The following OSBPL5 variants were observed in gnomAD, a reference collection of about 807,000 sequenced individuals.
The protein encoded by OSBPL5 is oxysterol-binding protein-related protein 5.
OSBPL5 carries 71 observed loss-of-function variants against 111.2 expected under a neutral mutation model. The ratio of observed to expected loss-of-function variants is 0.64; its 90% CI spans 0.53 to 0.78. The LOEUF is 0.78. OSBPL5 is among the 30% of genes least tolerant of loss of function. The pLI, the probability that OSBPL5 is intolerant of heterozygous loss-of-function variation, is 0.00. For synonymous variants in OSBPL5, 549 were observed against 513.9 expected (o/e 1.07, Z -0.93); for missense variants, 1,210 against 1,189.3 (o/e 1.02, Z -0.26).
Position 3,130,420 on chromosome 11 carries a change from GAC to G in OSBPL5, c.-21-1253_-21-1252del, listed in dbSNP as rs1858786045. On this transcript the variant is annotated intron_variant, in intron 1 of 21. Coordinates refer to ENST00000263650, the MANE Select transcript of OSBPL5 (RefSeq NM_020896.4). The surrounding 1 kb of genome is among the most constrained non-coding windows in gnomAD (Gnocchi z 4.5). The stretch of plus-strand genomic sequence containing the variant: ...CTGGGCTTTGCTGGGGGGGGCCTCA[GAC>G]ACACAGAGACTTTCCTGCTGTGGCT... 2.6e-5 allele frequency among the ~76,000 whole-genome samples: 4 copies of G among 152,240 alleles called. No homozygotes were observed. In the South Asian group the frequency reaches 8.3e-4, roughly 31 times the overall value.
At chr11:3,153,988 T>C (rs1716902159) in intron 1 of OSBPL5, among the ~76,000 whole-genome samples, 2 of 152,184 alleles carry the variant, frequency 1.3e-5, no homozygotes. Flanking sequence ...AACAGCGCCG[T>C]CAGCCCCGCA....
chr11:3,120,728 C>T lies in OSBPL5; in HGVS notation c.403-104G>A, dbSNP rs1237228774. The T allele has an allele frequency of 1.1e-5, 14 of 1,290,332 alleles. 1 individual carries two copies. Among genetic ancestry groups the T allele is most frequent in the South Asian group, 6.7e-5 (5 of 75,006 alleles). The allele number at this position is 1,290,332 out of a possible 1,614,324, so 79.9% of individuals were successfully genotyped here. A position where few individuals can be genotyped will look rare whatever the true frequency, so the allele number is the denominator to read the frequency against. On this transcript the variant is annotated intron_variant, in intron 5 of 21. Transcript: ENST00000263650. ...CCAGGCACAGACCAGGGTGGGCTGC[C>T]GAGGGGCCCTTCCCCTCCCTCACTC... is the stretch of plus-strand genomic sequence containing the variant.
chr11:3,114,123 A>G (rs1858114950), intron 7 of OSBPL5, among the ~76,000 whole-genome samples: 1 of 152,242 alleles, frequency 6.6e-6, no homozygotes, highest in African/African-American at 2.4e-5. Flanking sequence ...ATAAAAATAT[A>G]TTTGTAGGAA....
chr11:3,099,807 G>A (rs1857391543), intron 14 of OSBPL5, among the ~76,000 whole-genome samples: 1 of 152,160 alleles, frequency 6.6e-6, no homozygotes, highest in Non-Finnish European at 1.5e-5. Flanking sequence ...GGTGGCTCAT[G>A]CCTGTAATCC....
At chr11:3,096,977 G>T (rs1857280964) in intron 14 of OSBPL5, among the ~76,000 whole-genome samples, 2 of 146,408 alleles carry the variant, frequency 1.4e-5, no homozygotes, top group South Asian at 4.6e-4. Flanking sequence ...GGAAAGAGGG[G>T]GAAGGTGGGA....
intron 7 of OSBPL5, among the ~76,000 whole-genome samples, chr11:3,115,749 T>C (rs1309584773): frequency 6.6e-6 from 1 of 152,216 alleles, no homozygotes; most frequent in African/African-American, 2.4e-5. Flanking sequence ...AGTTATATCT[T>C]ATGATCAAGA....
At position 3,154,543 on chromosome 11, in the gene OSBPL5, A is replaced by G. The variant is rs1042263649; in HGVS notation, c.-22+10673T>C. Reference sequence around the variant, plus strand: ...ATTCAAGCAGGTGAAATCTGAGAACACTGCACACACTCATGGGTGCGGAAG... The same window carrying G: ...ATTCAAGCAGGTGAAATCTGAGAACGCTGCACACACTCATGGGTGCGGAAG... On this transcript the variant is annotated intron_variant, in intron 1 of 21. Coordinates refer to ENST00000263650, the MANE Select transcript of OSBPL5 (RefSeq NM_020896.4). The surrounding 1 kb of genome is among the most constrained non-coding windows in gnomAD (Gnocchi z 4.9). 1.3e-5 allele frequency among the ~76,000 whole-genome samples: 2 copies of G among 152,218 alleles called. No homozygotes were observed. Among genetic ancestry groups the G allele is most frequent in the African/African-American group, 4.8e-5 (2 of 41,460 alleles).
At position 3,154,664 on chromosome 11, in the gene OSBPL5, G is replaced by A. The variant is rs1384462137; in HGVS notation, c.-22+10552C>T. ...TGACGAGACGCCTGGCAGTGCGGGG[G>A]CCCCAGGGTTAGTCTGACTGCTCCA... On this transcript the variant is annotated intron_variant, in intron 1 of 21. Transcript: ENST00000263650. This position sits in a 1 kb window ranked among gnomAD's most constrained non-coding sequence, Gnocchi z 4.9. Among the ~76,000 whole-genome samples the A allele has an allele frequency of 6.6e-6, 1 of 152,176 alleles. No homozygotes were observed. Among genetic ancestry groups the A allele is most frequent in the Non-Finnish European group, 1.5e-5 (1 of 68,030 alleles).
In OSBPL5 at chr11:3,088,288, C is replaced by T. The variant is rs1378394135; in HGVS notation, c.2557G>A (p.Gly853Ser). 1.2e-6 allele frequency: 2 copies of T among 1,607,576 alleles called. No individual in the cohort carries two copies. The highest frequency in any genetic ancestry group is 2.7e-5 in the African/African-American group (2 of 74,776). ...CAGGATCGGGGGCTCTGCAGGAGGC[C>T]TGGGGTCGGTGCCTGTGCTGCCCGT... ...TARAAQAPTP[G>S]LLQSPRSWFL... The change falls in exon 22 of 22, where the codon GGC becomes AGC. Residue 853 changes from glycine to serine, a missense_variant. By Grantham distance (56) the Gly-to-Ser change is moderately conservative. Transcript: ENST00000263650.
chr11:3,125,544 G>T (rs931683708), intron 3 of OSBPL5, among the ~76,000 whole-genome samples: 1 of 152,166 alleles, frequency 6.6e-6, no homozygotes, highest in Non-Finnish European at 1.5e-5. Flanking sequence ...AACAAATCAC[G>T]CCTGTAATCC....
intron 7 of OSBPL5, among the ~76,000 whole-genome samples, chr11:3,115,341 A>G (rs1314276020): frequency 6.6e-6 from 1 of 152,172 alleles, no homozygotes; most frequent in Non-Finnish European, 1.5e-5. Flanking sequence ...ATCTTCTTGT[A>G]TGTGCTTTTA....
intron 3 of OSBPL5, among the ~76,000 whole-genome samples, chr11:3,125,417 T>C (rs1858576501): frequency 6.6e-6 from 1 of 152,122 alleles, no homozygotes; most frequent in Non-Finnish European, 1.5e-5. Context: ...GACATACAAA[T>C]GGCTAATGGG....
intron 20 of OSBPL5, 55 bp downstream of exon 20, chr11:3,090,503 C>T: frequency 1.3e-6 from 2 of 1,585,506 alleles, no homozygotes; most frequent in Non-Finnish European, 1.7e-6. Context: ...GCCAGGTCAG[C>T]ATCTGAGGCA....
At chr11:3,156,096 G>T (rs1846750522) in intron 1 of OSBPL5, among the ~76,000 whole-genome samples, 1 of 152,202 alleles carries the variant, frequency 6.6e-6, no homozygotes, top group Non-Finnish European at 1.5e-5. Flanking sequence ...TTCCCTCTGG[G>T]ACAAGGGGGA....
In OSBPL5 at chr11:3,094,238, T is replaced by C. The variant is rs1204922124; in HGVS notation, c.1718A>G (p.Lys573Arg). 3 of 1,613,088 alleles carry C rather than the reference T, an allele frequency of 1.9e-6. No homozygotes were observed. Among genetic ancestry groups the C allele is most frequent in the Admixed American group, 3.3e-5 (2 of 59,982 alleles). ...CCCCCAGGCTGCAGCCAGCGCTACC[T>C]TGAGTTTGAATTCCAGCTGGGCCTG... ...NFQAQLEFKL[K>R]PFFGGSTSIN... is the part of the protein sequence containing the mutation. The change falls in exon 15 of 22, where the codon AAG becomes AGG. Residue 573 changes from lysine to arginine, a missense_variant and splice_region_variant. Lys to Arg is a conservative substitution (Grantham distance 26). Transcript: ENST00000263650.
chr11:3,122,010 G>A lies in OSBPL5; in HGVS notation c.389C>T (p.Ala130Val). Residue 130 changes from alanine to valine, a missense_variant, in exon 5 of 22, where the codon GCT (alanine) becomes GTT (valine). Coordinates refer to ENST00000263650, the MANE Select transcript of OSBPL5 (RefSeq NM_020896.4). Reference sequence around the variant, plus strand: ...GGCATCACCTACCTTCAGGCTGTCAGCCATGATGACCACGCTGGGGTCTGT... The same window carrying A: ...GGCATCACCTACCTTCAGGCTGTCAACCATGATGACCACGCTGGGGTCTGT... ...ALTDPSVVIM[A>V]DSLKIRGTLK... 1 of 1,571,182 alleles carries A rather than the reference G, an allele frequency of 6.4e-7. No homozygotes were observed. The highest frequency in any genetic ancestry group is 8.6e-7 in the Non-Finnish European group (1 of 1,162,518).
chr11:3,103,834 GCC>G (rs1340226840), intron 10 of OSBPL5, among the ~76,000 whole-genome samples: 4 of 84,240 alleles, frequency 4.7e-5, no homozygotes, highest in South Asian at 3.9e-4. Context: ...CCCCCTTCCA[GCC>G]TCTGCAGCCC....
In OSBPL5 at chr11:3,092,628, T is replaced by A. The variant is rs558977841; in HGVS notation, c.2133-70A>T. ...AGGTGAGGGGGCTGTCCTGGCCCAG[T>A]CTTCAGCCCCCCAACAGTGGCCAGA... On this transcript the variant is annotated intron_variant, in intron 18 of 21. Coordinates refer to ENST00000263650, the MANE Select transcript of OSBPL5 (RefSeq NM_020896.4). The surrounding 1 kb of genome is among the most constrained non-coding windows in gnomAD (Gnocchi z 5.4). 53 of 1,478,120 alleles carry A rather than the reference T, an allele frequency of 3.6e-5. No homozygotes were observed. In the African/African-American group the frequency reaches 6.4e-4, roughly 18 times the overall value. The allele number at this position is 1,478,120 out of a possible 1,614,324, so 91.6% of individuals were successfully genotyped here.
chr11:3,108,047 G>A (rs573486968), intron 7 of OSBPL5, 102 bp from the exon 8 acceptor site: 2 of 1,453,562 alleles, frequency 1.4e-6, no homozygotes, highest in East Asian at 4.9e-5. Flanking sequence ...ACTCTTCAGG[G>A]ACCCACCCCC....
Sources: gnomAD v4.1 joint callset for allele counts (sites outside exome capture counted in the v4.1 genomes callset) on GRCh38, gnomAD v4.1.1 for gene constraint, Gnocchi (gnomAD v3.1) non-coding constraint, MANE v1.5 for transcripts, NCBI Gene and HGNC (gene_info 2026-07-23, HGNC 2026-07-21) for gene names.